Variants in CPD observed in about 807,000 individuals in gnomAD.
CPD encodes carboxypeptidase D.
Under a neutral mutation model 138.3 loss-of-function variants are expected in CPD, and 69 were observed. That is an observed-to-expected ratio of 0.50 (90% CI 0.41 to 0.61). The LOEUF (loss-of-function observed/expected upper bound fraction) is 0.61. Among genes scored for constraint, CPD ranks in the 20% least tolerant of loss-of-function variants. The pLI is 0.00. For synonymous variants in CPD, 651 were observed against 642.1 expected, an observed-to-expected ratio of 1.01 and a Z score of -0.21; for missense variants, 1,432 against 1,733.3, an observed-to-expected ratio of 0.83 and a Z score of 3.09.
chr17:30,383,481 T>C (rs567541801), intron 1 of CPD, among the ~76,000 whole-genome samples: 1 of 152,362 alleles, frequency 6.6e-6, no homozygotes, highest in East Asian at 1.9e-4. Flanking sequence ...CTCCAAAGCC[T>C]GTGCCATTGC....
Position 30,468,136 on chromosome 17 carries a change from T to G in CPD, c.*3322T>G, listed in dbSNP as rs1410923748. The G allele has an allele frequency of 2.0e-5, 3 of 152,586 alleles. No homozygotes were observed. The highest frequency in any genetic ancestry group is 2.9e-5 in the Non-Finnish European group (2 of 68,018). 9.5% of individuals were successfully genotyped at this position (152,586 alleles called of 1,614,324 possible). On this transcript the variant is annotated 3_prime_UTR_variant, in exon 21 of 21. Coordinates refer to ENST00000225719, the MANE Select transcript of CPD (RefSeq NM_001304.5). ...TCTCCCAATACCCATTTATCCTATT[T>G]TTAGCAATAATTCGTTAATGATTCC...
At chr17:30,381,309 G>C (rs944253803) in intron 1 of CPD, among the ~76,000 whole-genome samples, 3 of 152,144 alleles carry the variant, frequency 2.0e-5, no homozygotes, top group African/African-American at 4.8e-5. Context: ...AAAATGCTCT[G>C]TCCTTGCACC....
chr17:30,431,688 C>A, intron 7 of CPD, 84 bp from the exon 8 acceptor site: 1 of 872,478 alleles, frequency 1.1e-6, no homozygotes, highest in Non-Finnish European at 1.8e-6. Context: ...GTTTTCTCTT[C>A]TCTGGCAGTA....
chr17:30,379,351 C>G lies in CPD; in HGVS notation c.371C>G (p.Pro124Arg). Residue 124 changes from proline (P) to arginine (R), a missense_variant, in exon 1 of 21, where the codon CCG becomes CGG. Pro to Arg is a moderately radical substitution (Grantham distance 103). Transcript: ENST00000225719. This position sits in a 1 kb window ranked among gnomAD's most constrained non-coding sequence, Gnocchi z 7.0. ...PDAAGPDAAG[P>R]LLPGRPQVKL... ...GCTGCCGGGCCCGACGCTGCGGGGC[C>G]GCTGCTGCCCGGCCGGCCCCAGGTG... 1.3e-6 allele frequency: 2 copies of G among 1,496,076 alleles called. No individual in the cohort carries two copies. Among genetic ancestry groups the G allele is most frequent in the Non-Finnish European group, 8.8e-7 (1 of 1,130,200 alleles). 92.7% of individuals were successfully genotyped at this position (1,496,076 alleles called of 1,614,324 possible). A position where few individuals can be genotyped will look rare whatever the true frequency, so the allele number is the denominator to read the frequency against.
At chr17:30,405,495 G>C (rs1370517479) in intron 2 of CPD, among the ~76,000 whole-genome samples, 1 of 152,098 alleles carries the variant, frequency 6.6e-6, no homozygotes, top group East Asian at 1.9e-4. Flanking sequence ...AACTCCACCA[G>C]TATTTTTTGC....
chr17:30,445,753 C>T lies in CPD; in HGVS notation c.2606C>T (p.Thr869Ile). 6.2e-7 allele frequency: 1 copy of T among 1,613,760 alleles called. No homozygotes were observed. Reference sequence around the variant, plus strand: ...GAAGGCGCTATTCAGGTCAACTTCACACTTGTTCGATCCTCAACAGATTCA... The same window carrying T: ...GAAGGCGCTATTCAGGTCAACTTCATACTTGTTCGATCCTCAACAGATTCA... ...KSEGAIQVNF[T>I]LVRSSTDSNN... Residue 869 changes from threonine to isoleucine, a missense_variant, in exon 12 of 21, where the codon ACA becomes ATA. By Grantham distance (89) the Thr-to-Ile change is moderately conservative. Around this residue, in one of 6 missense-constraint regions of CPD, gnomAD observed 124 missense variants for 117.0 expected, o/e 1.06. Coordinates refer to ENST00000225719, the MANE Select transcript of CPD (RefSeq NM_001304.5).
chr17:30,461,772 T>C lies in CPD; in HGVS notation c.3631-105T>C, dbSNP rs939991099. ...TTGATACTTGTTTGTGTGTGGTTTT[T>C]GTTTTGTTTGTTTGTTTGGTTGGTT... On this transcript the variant is annotated intron_variant, in intron 18 of 20. Coordinates refer to ENST00000225719, the MANE Select transcript of CPD (RefSeq NM_001304.5). 4.6e-6 allele frequency: 4 copies of C among 871,898 alleles called. No individual in the cohort carries two copies. The African/African-American group carries it at 6.7e-5, about 15-fold the overall frequency. The allele number at this position is 871,898 out of a possible 1,614,324, so 54.0% of individuals were successfully genotyped here. A position where few individuals can be genotyped will look rare whatever the true frequency, so the allele number is the denominator to read the frequency against.
intron 1 of CPD, chr17:30,380,375 A>G: frequency 1.2e-6 from 1 of 804,606 alleles, no homozygotes; most frequent in African/African-American, 1.8e-5. Flanking sequence ...ATTTTTCTCC[A>G]ATTTTTACCT....
At chr17:30,451,183 T>C (rs1913157307) in intron 13 of CPD, among the ~76,000 whole-genome samples, 1 of 152,208 alleles carries the variant, frequency 6.6e-6, no homozygotes, top group Non-Finnish European at 1.5e-5. Context: ...ATGTCTACTT[T>C]GAAGCCCAGT....
intron 4 of CPD, among the ~76,000 whole-genome samples, chr17:30,422,440 A>G (rs1446268787): frequency 2.0e-5 from 3 of 152,160 alleles, no homozygotes; most frequent in Middle Eastern, 3.2e-3. Flanking sequence ...TTTTTGGTAT[A>G]CATTCTAGTG....
chr17:30,432,975 C>T (rs1912601938), intron 8 of CPD, among the ~76,000 whole-genome samples: 1 of 152,042 alleles, frequency 6.6e-6, no homozygotes, highest in Admixed American at 6.6e-5. Flanking sequence ...GTAAACTAAG[C>T]TTGTTAGTTT....
intron 2 of CPD, among the ~76,000 whole-genome samples, chr17:30,398,211 AG>A (rs1165177344): frequency 7.2e-6 from 1 of 138,002 alleles, no homozygotes; most frequent in Non-Finnish European, 1.5e-5. Flanking sequence ...ATAGTAGAAT[AG>A]AACAGAATAA....
At chr17:30,459,596 A>C (rs1162990840) in intron 17 of CPD, among the ~76,000 whole-genome samples, 1 of 151,908 alleles carries the variant, frequency 6.6e-6, no homozygotes, top group Non-Finnish European at 1.5e-5. Flanking sequence ...TGAGTCTTTC[A>C]GCTTTATTGT....
intron 6 of CPD, among the ~76,000 whole-genome samples, chr17:30,426,858 TGACCAAG>T (rs1331057156): frequency 3.3e-5 from 5 of 152,094 alleles, no homozygotes; most frequent in Non-Finnish European, 5.9e-5. Flanking sequence ...TGCCCAGGAA[TGACCAAG>T]GACAGCTTGG....
intron 8 of CPD, among the ~76,000 whole-genome samples, chr17:30,437,425 C>G (rs750586473): frequency 7.9e-5 from 12 of 152,040 alleles, no homozygotes; most frequent in Non-Finnish European, 1.6e-4. Flanking sequence ...TGGCTCACAC[C>G]TGTAATCTCA....
chr17:30,443,329 T>C (rs1912930247), intron 10 of CPD, among the ~76,000 whole-genome samples: 2 of 152,286 alleles, frequency 1.3e-5, no homozygotes, highest in South Asian at 2.1e-4. Flanking sequence ...TCCCTAATAT[T>C]ACCTAATACT....
chr17:30,395,444 G>T (rs917949132), intron 2 of CPD, among the ~76,000 whole-genome samples: 6 of 151,910 alleles, frequency 3.9e-5, no homozygotes, highest in African/African-American at 1.4e-4. Flanking sequence ...TAATTTAAAA[G>T]GAAAGCAAAA....
At chr17:30,419,429 T>A (rs1319574167) in intron 2 of CPD, among the ~76,000 whole-genome samples, 1 of 152,202 alleles carries the variant, frequency 6.6e-6, no homozygotes, top group Non-Finnish European at 1.5e-5. Flanking sequence ...AACCTCTGCC[T>A]CCTGGGTTCA....
At chr17:30,414,056 T>C (rs1312243426) in intron 2 of CPD, among the ~76,000 whole-genome samples, 1 of 152,060 alleles carries the variant, frequency 6.6e-6, no homozygotes, top group Non-Finnish European at 1.5e-5. Context: ...GGAGAGAGTA[T>C]AAAAGGAGGT....
Sources: allele counts gnomAD v4.1 joint callset (sites outside exome capture counted in the v4.1 genomes callset), GRCh38; gene constraint gnomAD v4.1.1; regional missense constraint gnomAD v4.1.1; non-coding constraint Gnocchi (gnomAD v3.1); transcripts MANE v1.5; gene names NCBI Gene and HGNC (gene_info 2026-07-23, HGNC 2026-07-21).